The following ZDHHC14 variants were observed in gnomAD, a reference collection of about 807,000 sequenced individuals.
ZDHHC14 encodes the protein palmitoyltransferase ZDHHC14.
Under a neutral mutation model 47.7 loss-of-function variants are expected in ZDHHC14, and 16 were observed. The observed-to-expected ratio is 0.34, with a 90% CI of 0.23 to 0.51. The LOEUF (loss-of-function observed/expected upper bound fraction) is 0.51. Among genes scored for constraint, ZDHHC14 ranks in the 20% least tolerant of loss-of-function variants. The pLI, the probability that ZDHHC14 is intolerant of heterozygous loss-of-function variation, is 0.97. For synonymous variants in ZDHHC14, 293 were observed against 278.9 expected, an observed-to-expected ratio of 1.05 and a Z score of -0.50; for missense variants, 515 against 662.5, an observed-to-expected ratio of 0.78 and a Z score of 2.44.
At chr6:157,666,907 C>T (rs1378164846) in intron 8 of ZDHHC14, among the ~76,000 whole-genome samples, 3 of 152,198 alleles carry the variant, frequency 2.0e-5, no homozygotes, top group African/African-American at 4.8e-5. Flanking sequence ...CATGCCGACA[C>T]TTCATTTGGG....
chr6:157,567,120 G>A lies in ZDHHC14; in HGVS notation c.406+24375G>A, dbSNP rs1782932545. 2.6e-5 allele frequency among the ~76,000 whole-genome samples: 4 copies of A among 152,190 alleles called. No homozygotes were observed. The South Asian group carries it at 8.3e-4, about 32-fold the overall frequency. On this transcript the variant is annotated intron_variant, in intron 2 of 8. Coordinates refer to ENST00000359775, the MANE Select transcript of ZDHHC14 (RefSeq NM_024630.3). ...ATCTGCCTCGGCTTCCCAAAGTGCT[G>A]AGATTACACGCGTGACCCAGCATGC...
intron 1 of ZDHHC14, among the ~76,000 whole-genome samples, chr6:157,483,151 C>G (rs970268747): frequency 2.0e-5 from 3 of 152,206 alleles, no homozygotes; most frequent in African/African-American, 7.2e-5. Context: ...ATATTTTTCT[C>G]TCTGGGCAGC....
At chr6:157,584,195 A>G (rs1205073617) in intron 2 of ZDHHC14, among the ~76,000 whole-genome samples, 8 of 152,074 alleles carry the variant, frequency 5.3e-5, no homozygotes, top group Non-Finnish European at 1.2e-4. Flanking sequence ...GATGGGAGTG[A>G]ACACTGGGGC....
chr6:157,436,783 A>G (rs1376643692), intron 1 of ZDHHC14, among the ~76,000 whole-genome samples: 1 of 152,078 alleles, frequency 6.6e-6, no homozygotes, highest in Non-Finnish European at 1.5e-5. Context: ...TGATGAGTTC[A>G]GTTTGGGTCA....
In ZDHHC14 at chr6:157,381,639, GC is replaced by G. The variant is rs1163617368; in HGVS notation, c.-381del. The G allele has an allele frequency of 5.8e-6, 1 of 171,214 alleles. No individual in the cohort carries two copies. The highest frequency in any genetic ancestry group is 2.5e-5 in the African/African-American group (1 of 40,782). 10.6% of individuals were successfully genotyped at this position (171,214 alleles called of 1,614,324 possible). A position where few individuals can be genotyped will look rare whatever the true frequency, so the allele number is the denominator to read the frequency against. On this transcript the variant is annotated 5_prime_UTR_variant, in exon 1 of 9. Transcript: ENST00000359775. ...AGTGCTCGGGGGTCGGCGGGCCAGA[GC>G]CGAGGCGCGGCCGGGGAGCCGGGGG...
chr6:157,496,889 T>C (rs761495346), intron 1 of ZDHHC14, among the ~76,000 whole-genome samples: 19 of 152,240 alleles, frequency 1.2e-4, no homozygotes, highest in Non-Finnish European at 2.2e-4. Context: ...TTGGCAGTCA[T>C]ATGGCATTTC....
intron 2 of ZDHHC14, among the ~76,000 whole-genome samples, 193 bp downstream of exon 2, chr6:157,542,938 A>G (rs997124106): frequency 6.6e-6 from 1 of 152,196 alleles, no homozygotes; most frequent in Non-Finnish European, 1.5e-5. Context: ...CTGGAGGGAC[A>G]GGTATCCTGG....
At chr6:157,544,930 G>C (rs1781912792) in intron 2 of ZDHHC14, among the ~76,000 whole-genome samples, 1 of 152,192 alleles carries the variant, frequency 6.6e-6, no homozygotes, top group Admixed American at 6.5e-5. Context: ...AATATTCATA[G>C]CTGCATGAAA....
chr6:157,478,894 G>A (rs369226594), intron 1 of ZDHHC14, among the ~76,000 whole-genome samples: 4 of 152,348 alleles, frequency 2.6e-5, no homozygotes, highest in Admixed American at 1.3e-4. Context: ...AGTGAAGAGA[G>A]TGTGTATGTT....
chr6:157,611,752 G>A lies in ZDHHC14; in HGVS notation c.566-16597G>A, dbSNP rs555774010. Reference sequence around the variant, plus strand: ...TTCCATACCCAGAAAAGCCACAAGCGATTGCTTCATGAAAGTCTGTCTCTG... The same window carrying A: ...TTCCATACCCAGAAAAGCCACAAGCAATTGCTTCATGAAAGTCTGTCTCTG... On this transcript the variant is annotated intron_variant, in intron 3 of 8. Coordinates refer to ENST00000359775, the MANE Select transcript of ZDHHC14 (RefSeq NM_024630.3). Among the ~76,000 whole-genome samples, 48 of 152,286 alleles carry A rather than the reference G, an allele frequency of 3.2e-4. 1 individual carries two copies. The highest frequency in any genetic ancestry group is 1.1e-3 in the African/African-American group (44 of 41,556).
At chr6:157,671,703 C>T (rs868719485) in intron 8 of ZDHHC14, among the ~76,000 whole-genome samples, 1 of 152,090 alleles carries the variant, frequency 6.6e-6, no homozygotes, top group East Asian at 1.9e-4. Context: ...CTTAAGAACG[C>T]GTGGAAGAAT....
intron 1 of ZDHHC14, among the ~76,000 whole-genome samples, chr6:157,480,414 T>C (rs1779599542): frequency 6.6e-6 from 1 of 151,976 alleles, no homozygotes; most frequent in Non-Finnish European, 1.5e-5. Flanking sequence ...ACCACAGGCA[T>C]GCACCACCAT....
At chr6:157,403,876 C>T (rs781724605) in intron 1 of ZDHHC14, among the ~76,000 whole-genome samples, 6 of 152,228 alleles carry the variant, frequency 3.9e-5, no homozygotes, top group African/African-American at 4.8e-5. Context: ...AGACCCACTG[C>T]GGCTGCTGCT....
chr6:157,432,815 G>A (rs1167696106), intron 1 of ZDHHC14, among the ~76,000 whole-genome samples: 4 of 152,170 alleles, frequency 2.6e-5, no homozygotes, highest in Admixed American at 2.6e-4. Flanking sequence ...ACCAAAAAAT[G>A]GGGCAGGAAA....
At chr6:157,548,307 C>T (rs1782068833) in intron 2 of ZDHHC14, among the ~76,000 whole-genome samples, 1 of 152,206 alleles carries the variant, frequency 6.6e-6, no homozygotes, top group African/African-American at 2.4e-5. Context: ...CAGCCTCTCA[C>T]GCACTCTGAC....
chr6:157,415,177 T>G (rs532944880), intron 1 of ZDHHC14, among the ~76,000 whole-genome samples: 2 of 152,236 alleles, frequency 1.3e-5, no homozygotes, highest in Non-Finnish European at 2.9e-5. Context: ...ATTGAATGAC[T>G]ATTTCTTTTT....
At chr6:157,657,316 G>C (rs1345518303) in intron 8 of ZDHHC14, among the ~76,000 whole-genome samples, 1 of 152,178 alleles carries the variant, frequency 6.6e-6, no homozygotes, top group Non-Finnish European at 1.5e-5. Flanking sequence ...CCAAAGTGTT[G>C]AGATTACAAG....
intron 1 of ZDHHC14, among the ~76,000 whole-genome samples, chr6:157,497,372 A>G (rs188589976): frequency 6.6e-6 from 1 of 152,330 alleles, no homozygotes; most frequent in East Asian, 1.9e-4. Flanking sequence ...TATGGCATTC[A>G]TGGATTAGGA....
chr6:157,471,718 G>T (rs1201910147), intron 1 of ZDHHC14, among the ~76,000 whole-genome samples: 1 of 152,208 alleles, frequency 6.6e-6, no homozygotes, highest in East Asian at 1.9e-4. Flanking sequence ...AAGAGGGAAT[G>T]AAACAAAAGT....
Sources: gnomAD v4.1 joint callset for allele counts (sites outside exome capture counted in the v4.1 genomes callset) on GRCh38, gnomAD v4.1.1 for gene constraint, MANE v1.5 for transcripts, NCBI Gene and HGNC (gene_info 2026-07-23, HGNC 2026-07-21) for gene names.